Variants in HSPA8 observed in about 807,000 individuals in gnomAD.
HSPA8 encodes the protein heat shock cognate 71 kDa protein.
In HSPA8, 2 loss-of-function variants were observed where a neutral mutation model predicts 52.8. The ratio of observed to expected loss-of-function variants is 0.04; its 90% confidence interval spans 0.02 to 0.12. The LOEUF (loss-of-function observed/expected upper bound fraction) is 0.12, where lower values mean the gene tolerates loss of function less well. Among genes scored for constraint, HSPA8 ranks in the 10% least tolerant of loss-of-function variants. HSPA8 has a pLI of 1.00. For missense variants in HSPA8, 349 were observed against 800.5 expected (o/e 0.44, Z 6.81); for synonymous variants, 436 against 274.0 (o/e 1.59, Z -5.84).
intron 8 of HSPA8, 52 bp from the exon 9 acceptor site, chr11:123,057,971 TTC>T: frequency 7.2e-7 from 1 of 1,398,178 alleles, no homozygotes; most frequent in South Asian, 1.3e-5. Flanking sequence ...TTAATAACCC[TTC>T]TTTCTCCCTG....
chr11:123,060,554 T>C, intron 3 of HSPA8, 39 bp downstream of exon 3: 1 of 1,472,732 alleles, frequency 6.8e-7, no homozygotes, highest in Non-Finnish European at 9.5e-7. Flanking sequence ...GGCTTTTAAC[T>C]ACTCCGGAAT....
intron 1 of HSPA8, 140 bp from the exon 2 acceptor site, chr11:123,061,469 G>A (rs1170463355): frequency 1.5e-6 from 1 of 679,550 alleles, no homozygotes; most frequent in Non-Finnish European, 2.5e-6. Flanking sequence ...CTAAGCACGC[G>A]CGAGGTCCAG....
chr11:123,060,829 A>C, intron 2 of HSPA8, 31 bp from the exon 3 acceptor site: 1 of 1,572,106 alleles, frequency 6.4e-7, no homozygotes. Context: ...AAACACTTTC[A>C]ATTTCATAGC....
rs2135446049 is a variant in HSPA8, at chr11:123,060,644, A to G, written c.360T>C (p.Ser120=). The change falls in exon 3 of 9, where the codon TCT becomes TCC. Residue 120 remains serine, a synonymous_variant. Transcript: ENST00000534624. The stretch of plus-strand genomic sequence containing the variant: ...CCTTCATCTTTGTCAGAACCATAGA[A>G]GACACCTCCTCTGGATAGAAGCTTT... ...ETKSFYPEEV[S]SMVLTKMKEI... The G allele has an allele frequency of 6.2e-7, 1 of 1,613,860 alleles. No individual in the cohort carries two copies.
chr11:123,058,240 A>AAAAAC lies in HSPA8; in HGVS notation c.1755+7_1755+11dup, dbSNP rs1865375303. Reference sequence around the variant, plus strand: ...GAGTGGGGGAGGAAAAAAAAAAAAAAAAAACACAAACCTGATTCTTATCAA... The same window carrying AAAAAC: ...GAGTGGGGGAGGAAAAAAAAAAAAAAAAAACAAAACACAAACCTGATTCTTATCAA... On this transcript the variant is annotated intron_variant, in intron 8 of 8. Coordinates refer to ENST00000534624, the MANE Select transcript of HSPA8 (RefSeq NM_006597.6). The AAAAAC allele has an allele frequency of 6.6e-7, 1 of 1,516,028 alleles. No individual in the cohort carries two copies. The allele number at this position is 1,516,028 out of a possible 1,614,324, so 93.9% of individuals were successfully genotyped here.
intron 6 of HSPA8, 41 bp from the exon 7 acceptor site, chr11:123,058,871 G>C (rs771005222): frequency 6.4e-7 from 1 of 1,565,814 alleles, no homozygotes; most frequent in Non-Finnish European, 8.8e-7. Context: ...TGGACTCCAG[G>C]TCTGTGACAG....
chr11:123,059,582 A>T lies in HSPA8; in HGVS notation c.1011T>A (p.Val337=). The part of the protein sequence containing the change: ...DKSQIHDIVL[V]GGSTRIPKIQ... ...TCTTGGGGATACGAGTAGAACCACC[A>T]ACCAGGACAATATCATGAATCTGTG... Residue 337 remains valine (V), a synonymous_variant, in exon 5 of 9, where the codon GTT becomes GTA. Transcript: ENST00000534624. 6.2e-7 allele frequency: 1 copy of T among 1,614,138 alleles called. No individual in the cohort carries two copies. The highest frequency in any genetic ancestry group is 8.5e-7 in the Non-Finnish European group (1 of 1,180,000).
chr11:123,059,706 G>C lies in HSPA8; in HGVS notation c.887C>G (p.Ser296Cys). 1 of 1,613,908 alleles carries C rather than the reference G, an allele frequency of 6.2e-7. No individual in the cohort carries two copies. The highest frequency in any genetic ancestry group is 2.2e-5 in the East Asian group (1 of 44,876). The stretch of plus-strand genomic sequence containing the variant: ...TTCTTCAAATCGGGCACGGGTAATG[G>C]AGGTATAGAAGTCGATTCCTTCATA... ...SLYEGIDFYT[S>C]ITRARFEELN... Residue 296 changes from serine (S) to cysteine (C), a missense_variant, in exon 5 of 9, where the codon TCC (serine) becomes TGC (cysteine). Coordinates refer to ENST00000534624, the MANE Select transcript of HSPA8 (RefSeq NM_006597.6).
rs2135440241 is a variant in HSPA8, at chr11:123,058,783, G to C, written c.1371C>G (p.Gly457=). ...GAGGTATGCCTGTGAGTTCAAACTT[G>C]CCAAGCAGGTTGTTATCCTTTGTCA... ...RAMTKDNNLL[G]KFELTGIPPA... The change falls in exon 7 of 9, where the codon GGC becomes GGG. Residue 457 remains glycine, a synonymous_variant. Coordinates refer to ENST00000534624, the MANE Select transcript of HSPA8 (RefSeq NM_006597.6). 2 of 1,614,128 alleles carry C rather than the reference G, an allele frequency of 1.2e-6. No individual in the cohort carries two copies. The highest frequency in any genetic ancestry group is 1.7e-6 in the Non-Finnish European group (2 of 1,180,006).
intron 2 of HSPA8, 137 bp downstream of exon 2, chr11:123,060,983 T>C: frequency 2.2e-6 from 2 of 917,334 alleles, no homozygotes; most frequent in Non-Finnish European, 1.7e-6. Flanking sequence ...TTCTACAACC[T>C]GTTTTATAAC....
chr11:123,058,414 C>T lies in HSPA8; in HGVS notation c.1593G>A (p.Lys531=). ...EAEKYKAEDE[K]QRDKVSSKNS... ...TCTTGGATGACACCTTGTCCCTCTG[C>T]TTCTCATCTTCAGCTTTGTACTTCT... Residue 531 remains lysine (K), a synonymous_variant, in exon 8 of 9, where the codon AAG becomes AAA. Coordinates refer to ENST00000534624, the MANE Select transcript of HSPA8 (RefSeq NM_006597.6). The T allele has an allele frequency of 6.2e-7, 1 of 1,614,058 alleles. No homozygotes were observed.
Position 123,057,822 on chromosome 11 carries a change from G to A in HSPA8, c.1853C>T (p.Pro618Leu). The stretch of plus-strand genomic sequence containing the variant: ...AGGAAATCCCCCAGGCATTCCTCCT[G>A]GCATGCCTCCTGCACTCTGGTACAG... ...TKLYQSAGGM[P>L]GGMPGGFPGG... Residue 618 changes from proline (P) to leucine (L), a missense_variant, in exon 9 of 9, where the codon CCA becomes CTA. Transcript: ENST00000534624. 6.2e-7 allele frequency: 1 copy of A among 1,613,716 alleles called. No individual in the cohort carries two copies. The highest frequency in any genetic ancestry group is 2.2e-5 in the East Asian group (1 of 44,874).
At chr11:123,058,576 T>TA (rs1382199878) in intron 7 of HSPA8, 56 bp downstream of exon 7, 2 of 1,573,814 alleles carry the variant, frequency 1.3e-6, no homozygotes, top group African/African-American at 1.3e-5. Flanking sequence ...TAGGCACCAG[T>TA]AACTCAATTG....
intron 5 of HSPA8, 25 bp from the exon 6 acceptor site, chr11:123,059,286 A>G (rs753006080): frequency 3.8e-6 from 6 of 1,584,214 alleles, no homozygotes; most frequent in South Asian, 1.1e-5. Flanking sequence ...GTTAACGTTA[A>G]AAGAAGTTAA....
At chr11:123,061,756 C>CGCT (rs1440547065) in intron 1 of HSPA8, 1 of 167,650 alleles carries the variant, frequency 6.0e-6, no homozygotes, top group Non-Finnish European at 1.3e-5. Flanking sequence ...TGAAAGAAAA[C>CGCT]GCTGGCTCCA....
At chr11:123,060,562 A>C in intron 3 of HSPA8, 31 bp downstream of exon 3, 1 of 1,517,706 alleles carries the variant, frequency 6.6e-7, no homozygotes, top group East Asian at 2.3e-5. Flanking sequence ...ACTACTCCGG[A>C]ATGCACCCCA....
In HSPA8 at chr11:123,061,191, G is replaced by C. The variant is rs201477863; in HGVS notation, c.134C>G (p.Thr45Arg). The C allele has an allele frequency of 1.2e-6, 2 of 1,613,854 alleles. No individual in the cohort carries two copies. The highest frequency in any genetic ancestry group is 2.2e-5 in the East Asian group (1 of 44,880). The change falls in exon 2 of 9, where the codon ACG becomes AGG. Residue 45 changes from threonine to arginine, a missense_variant. Coordinates refer to ENST00000534624, the MANE Select transcript of HSPA8 (RefSeq NM_006597.6). ...ATCACCGATCAACCGTTCAGTGTCC[G>C]TAAAGGCGACATAGCTTGGAGTGGT... is the stretch of plus-strand genomic sequence containing the variant. ...NRTTPSYVAF[T>R]DTERLIGDAA...
At chr11:123,059,347 C>A (rs1565367826) in intron 5 of HSPA8, 86 bp from the exon 6 acceptor site, 1 of 1,387,404 alleles carries the variant, frequency 7.2e-7, no homozygotes. Context: ...GCTCAGACAT[C>A]CAAGGAAGGT....
chr11:123,061,345 A>T lies in HSPA8; in HGVS notation c.-5-16T>A, dbSNP rs1865491869. On this transcript the variant is annotated splice_polypyrimidine_tract_variant and intron_variant, in intron 1 of 8. Coordinates refer to ENST00000534624, the MANE Select transcript of HSPA8 (RefSeq NM_006597.6). ...GACATGGTTGCTGAAAAAAAGAAAA[A>T]TCTGGTTTAAAAATTCAATTAATCA... is the stretch of plus-strand genomic sequence containing the variant. The T allele has an allele frequency of 1.9e-6, 3 of 1,592,534 alleles. No individual in the cohort carries two copies. The highest frequency in any genetic ancestry group is 2.6e-6 in the Non-Finnish European group (3 of 1,161,898).
Sources: gnomAD v4.1 joint callset for allele counts on GRCh38, gnomAD v4.1.1 for gene constraint, MANE v1.5 for transcripts, NCBI Gene and HGNC (gene_info 2026-07-23, HGNC 2026-07-21) for gene names.